ARHGEF4: variants seen among roughly 807,000 people sequenced by gnomAD.
The protein encoded by ARHGEF4 is APC-stimulated guanine nucleotide exchange factor 1.
ARHGEF4 carries 119 observed loss-of-function variants against 162.0 expected under a neutral mutation model. The observed-to-expected ratio is 0.73, with a 90% CI of 0.63 to 0.86. The LOEUF is 0.86. Ranked by LOEUF, ARHGEF4 falls within the 40% of genes least tolerant of loss-of-function variation. The probability of loss-of-function intolerance (pLI) is 0.00; values close to 1 mark genes in which losing one functional copy is unlikely to be tolerated. For synonymous variants in ARHGEF4, 1,014 were observed against 979.9 expected (o/e 1.03, Z -0.65); for missense variants, 2,488 against 2,456.0 (o/e 1.01, Z -0.28).
intron 10 of ARHGEF4, 97 bp downstream of exon 10, chr2:131,042,041 G>A: frequency 6.8e-7 from 1 of 1,470,698 alleles, no homozygotes; most frequent in African/African-American, 1.4e-5. Context: ...GCTGAAGCAG[G>A]GAGCTGCGCT....
At chr2:130,961,681 G>A (rs1013070831) in intron 4 of ARHGEF4, among the ~76,000 whole-genome samples, 3 of 152,160 alleles carry the variant, frequency 2.0e-5, no homozygotes, top group Admixed American at 6.5e-5. Flanking sequence ...CGCCAAGCAC[G>A]GTATGGCGGT....
Position 130,915,715 on chromosome 2 carries a change from A to G in ARHGEF4, c.1769A>G (p.Lys590Arg). 1 of 1,549,908 alleles carries G rather than the reference A, an allele frequency of 6.5e-7. No homozygotes were observed. Among genetic ancestry groups the G allele is most frequent in the Middle Eastern group, 1.7e-4 (1 of 5,984 alleles). Residue 590 changes from lysine (K) to arginine (R), a missense_variant, in exon 2 of 14, where the codon AAG becomes AGG. Transcript: ENST00000409359. Reference protein sequence around the residue: ...EQALQGLSEFKAATVSHCGPG... With the variant: ...EQALQGLSEFRAATVSHCGPG... ...GCTTTGCAAGGTCTTTCAGAATTCA[A>G]GGCAGCCACGGTGTCTCACTGCGGC...
intron 1 of ARHGEF4, among the ~76,000 whole-genome samples, chr2:130,870,271 C>T (rs111323811): frequency 1.3e-5 from 2 of 152,276 alleles, no homozygotes; most frequent in African/African-American, 4.8e-5. Context: ...TGGGACCTAG[C>T]CCCCGGGAGC....
Position 130,847,635 on chromosome 2 carries a change from C to A in ARHGEF4, c.39+10643C>A, listed in dbSNP as rs559774782. On this transcript the variant is annotated intron_variant, in intron 1 of 13. Coordinates refer to ENST00000409359, the MANE Select transcript of ARHGEF4 (RefSeq NM_001367493.1). ...TGCTTTTCCACCCCAACGCTTGGCTCCGAGGGCCTGACCCCCTGAAGCAGG... is the reference window on the plus strand; with the variant it reads ...TGCTTTTCCACCCCAACGCTTGGCTACGAGGGCCTGACCCCCTGAAGCAGG... Among the ~76,000 whole-genome samples the A allele has an allele frequency of 5.0e-4, 76 of 152,320 alleles. 1 individual carries two copies. The highest frequency in any genetic ancestry group is 6.3e-4 in the Non-Finnish European group (43 of 68,028).
At position 130,988,512 on chromosome 2, in the gene ARHGEF4, T is replaced by C. The variant is rs1452156852; in HGVS notation, c.3986-39433T>C. On this transcript the variant is annotated intron_variant, in intron 4 of 13. Transcript: ENST00000409359. ...TATAGAAATTTTACCAAAAAAATCATTCCAAATCTCCAACCCAGAAACAAT... is the reference window on the plus strand; with the variant it reads ...TATAGAAATTTTACCAAAAAAATCACTCCAAATCTCCAACCCAGAAACAAT... Among the ~76,000 whole-genome samples, 3 of 152,224 alleles carry C rather than the reference T, an allele frequency of 2.0e-5. No individual in the cohort carries two copies. The East Asian group carries it at 5.8e-4, about 29-fold the overall frequency.
chr2:131,045,273 G>A (rs1691149486), intron 12 of ARHGEF4, 96 bp from the exon 13 acceptor site: 4 of 1,191,128 alleles, frequency 3.4e-6, no homozygotes, highest in South Asian at 1.4e-5. Context: ...CCCAGTACAT[G>A]ATGAGACCCT....
At chr2:130,968,628 A>T (rs1041921046) in intron 4 of ARHGEF4, among the ~76,000 whole-genome samples, 1 of 152,226 alleles carries the variant, frequency 6.6e-6, no homozygotes, top group Non-Finnish European at 1.5e-5. Flanking sequence ...GCTAAGAAAT[A>T]TGAACTATTG....
At chr2:130,938,384 A>C (rs1683091896) in intron 3 of ARHGEF4, among the ~76,000 whole-genome samples, 1 of 152,184 alleles carries the variant, frequency 6.6e-6, no homozygotes, top group African/African-American at 2.4e-5. Flanking sequence ...TGGTGTAGTG[A>C]TAACTCATTT....
chr2:130,879,391 G>A (rs191333913), intron 1 of ARHGEF4, among the ~76,000 whole-genome samples: 6 of 152,146 alleles, frequency 3.9e-5, no homozygotes, highest in Non-Finnish European at 7.4e-5. Flanking sequence ...TTGTGGAATG[G>A]CGAAATCAAG....
intron 4 of ARHGEF4, among the ~76,000 whole-genome samples, chr2:131,014,006 T>C (rs1213468415): frequency 6.6e-6 from 1 of 152,238 alleles, no homozygotes; most frequent in African/African-American, 2.4e-5. Context: ...AATCATGACA[T>C]GATTTATTTT....
chr2:130,996,296 T>A (rs1050001251), intron 4 of ARHGEF4, among the ~76,000 whole-genome samples: 3 of 152,218 alleles, frequency 2.0e-5, no homozygotes, highest in Non-Finnish European at 2.9e-5. Context: ...GTTCCCTCTG[T>A]GTCCTAACCT....
At chr2:131,038,583 C>T (rs1220402031) in intron 5 of ARHGEF4, among the ~76,000 whole-genome samples, 1 of 152,238 alleles carries the variant, frequency 6.6e-6, no homozygotes, top group Non-Finnish European at 1.5e-5. Flanking sequence ...GGAATGCTAA[C>T]AGGGAGCAGT....
chr2:131,012,225 G>A (rs1313483138), intron 4 of ARHGEF4, among the ~76,000 whole-genome samples: 1 of 152,152 alleles, frequency 6.6e-6, no homozygotes, highest in East Asian at 1.9e-4. Context: ...GAGAGGTGTG[G>A]AGAGGGTTGG....
rs1681485126 is a variant in ARHGEF4 at position 130,916,258 on chromosome 2, C to G, written c.2312C>G (p.Ala771Gly). Reference protein sequence around the residue: ...AARGQRPRVPALEPPQPPRGL... With the variant: ...AARGQRPRVPGLEPPQPPRGL... ...CGGGGCCAGCGCCCCCGCGTCCCCGCCTTGGAGCCGCCCCAGCCGCCACGC... is the reference window on the plus strand; with the variant it reads ...CGGGGCCAGCGCCCCCGCGTCCCCGGCTTGGAGCCGCCCCAGCCGCCACGC... The change falls in exon 2 of 14, where the codon GCC (alanine) becomes GGC (glycine). Residue 771 changes from alanine (A) to glycine (G), a missense_variant. Ala to Gly is a moderately conservative substitution (Grantham distance 60, BLOSUM62 0). Coordinates refer to ENST00000409359, the MANE Select transcript of ARHGEF4 (RefSeq NM_001367493.1). 1.0e-5 allele frequency: 16 copies of G among 1,526,458 alleles called. No homozygotes were observed. Among genetic ancestry groups the G allele is most frequent in the Non-Finnish European group, 1.1e-5 (13 of 1,139,090 alleles). 94.6% of individuals were successfully genotyped at this position (1,526,458 alleles called of 1,614,324 possible).
chr2:131,035,362 C>T (rs1690184065), intron 5 of ARHGEF4: 13 of 1,051,026 alleles, frequency 1.2e-5, no homozygotes, highest in Non-Finnish European at 1.5e-5. Flanking sequence ...GGGAAGGCCT[C>T]CTTCCACCCC....
At chr2:130,845,877 C>A (rs530570151) in intron 1 of ARHGEF4, among the ~76,000 whole-genome samples, 37 of 152,328 alleles carry the variant, frequency 2.4e-4, no homozygotes, top group African/African-American at 8.7e-4. Flanking sequence ...CAAATGCGAA[C>A]CTACAGTGAC....
At chr2:130,963,898 G>A (rs1341581774) in intron 4 of ARHGEF4, 1 of 147,466 alleles carries the variant, frequency 6.8e-6, no homozygotes, top group Non-Finnish European at 1.5e-5. Context: ...GCCCCATGAT[G>A]TCAGCCGGCC....
intron 2 of ARHGEF4, among the ~76,000 whole-genome samples, chr2:130,927,400 G>T (rs150514793): frequency 6.6e-6 from 1 of 152,338 alleles, no homozygotes; most frequent in East Asian, 1.9e-4. Context: ...GAAAGTTCAA[G>T]CTTTCCCATC....
At chr2:130,844,089 T>A (rs1000736071) in intron 1 of ARHGEF4, among the ~76,000 whole-genome samples, 8 of 152,334 alleles carry the variant, frequency 5.3e-5, no homozygotes, top group African/African-American at 1.7e-4. Context: ...TTGAATTCAC[T>A]CTGGGTCTCC....
Sources: allele counts gnomAD v4.1 joint callset (sites outside exome capture counted in the v4.1 genomes callset), GRCh38; gene constraint gnomAD v4.1.1; transcripts MANE v1.5; gene names NCBI Gene and HGNC (gene_info 2026-07-23, HGNC 2026-07-21).